EFHB: variants seen among roughly 807,000 people sequenced by gnomAD.
The protein encoded by EFHB is EF-hand domain-containing family member B.
A neutral mutation model predicts 87.2 loss-of-function variants in EFHB; 91 were observed. The observed-to-expected ratio is 1.04, with a 90% CI of 0.88 to 1.24. EFHB has a LOEUF of 1.24. Among genes scored for constraint, EFHB ranks in the 50% most tolerant of loss-of-function variants. EFHB has a pLI of 0.00. For missense variants in EFHB, 1,084 were observed against 998.8 expected (o/e 1.09, Z -1.15); for synonymous variants, 325 against 333.6 (o/e 0.97, Z 0.28).
chr3:19,918,317 T>C lies in EFHB; in HGVS notation c.1092A>G (p.Pro364=), dbSNP rs1343338546. Residue 364 remains proline, a synonymous_variant, in exon 4 of 13, where the codon CCA becomes CCG. Coordinates refer to ENST00000295824, the MANE Select transcript of EFHB (RefSeq NM_144715.4). ...GTGCTTGATCGTGAGATTTTCCTAA[T>C]GGTGCTCGTCGATTGCTAAGATATA... ...ESIYLSNRRA[P]LGKSHDQAPG... is the part of the protein sequence containing the mutation. 3.1e-6 allele frequency: 5 copies of C among 1,613,512 alleles called. No individual in the cohort carries two copies. The highest frequency in any genetic ancestry group is 1.6e-4 in the Middle Eastern group (1 of 6,082).
At chr3:19,920,730 C>T (rs929730169) in intron 1 of EFHB, among the ~76,000 whole-genome samples, 163 bp from the exon 2 acceptor site, 13 of 152,094 alleles carry the variant, frequency 8.5e-5, no homozygotes, top group Admixed American at 7.9e-4. Flanking sequence ...AATCTTCATA[C>T]GTAACAAACA....
chr3:19,923,016 C>G (rs1170717771), intron 1 of EFHB, among the ~76,000 whole-genome samples: 1 of 152,180 alleles, frequency 6.6e-6, no homozygotes, highest in Non-Finnish European at 1.5e-5. Context: ...CCTGTAACCC[C>G]CAGCACTTTG....
At chr3:19,946,555 T>A (rs770063983) in intron 1 of EFHB, among the ~76,000 whole-genome samples, 3 of 152,160 alleles carry the variant, frequency 2.0e-5, no homozygotes, top group Admixed American at 6.5e-5. Context: ...AGCGACTTCT[T>A]ATTGTCAGGC....
chr3:19,918,290 T>C lies in EFHB; in HGVS notation c.1119A>G (p.Pro373=), dbSNP rs1415886661. The change falls in exon 4 of 13, where the codon CCA becomes CCG. Residue 373 remains proline (P), a synonymous_variant. Transcript: ENST00000295824. The part of the protein sequence containing the change: ...APLGKSHDQA[P]GLPKGMDTTN... ...TTGTGTCCATGCCTTTTGGTAATCC[T>C]GGTGCTTGATCGTGAGATTTTCCTA... 1.9e-6 allele frequency: 3 copies of C among 1,613,516 alleles called. No individual in the cohort carries two copies. The highest frequency in any genetic ancestry group is 1.7e-6 in the Non-Finnish European group (2 of 1,179,800).
exon 1 of EFHB, chr3:19,946,967 TCGC>T: frequency 6.5e-6 from 1 of 153,044 alleles, no homozygotes; most frequent in African/African-American, 2.4e-5. Flanking sequence ...TCTGAGCCAC[TCGC>T]AGGGTCACGT....
chr3:19,941,923 G>A lies in EFHB; in HGVS notation c.-32+4996C>T, dbSNP rs112559280. Among the ~76,000 whole-genome samples the A allele has an allele frequency of 8.7e-3, 855 of 98,456 alleles. 7 individuals carry two copies. Among genetic ancestry groups the A allele is most frequent in the African/African-American group, 0.044 (813 of 18,514 alleles). 64.6% of individuals were successfully genotyped at this position (98,456 alleles called of 152,430 possible). A position where few individuals can be genotyped will look rare whatever the true frequency, so the allele number is the denominator to read the frequency against. ...AATCCCAGCACTTTGGGAGGCTGAG[G>A]GGGGGCAGATCACCTGAAGTCAGGT... On this transcript the variant is annotated intron_variant, in intron 1 of 14. Coordinates refer to the EFHB transcript ENST00000344838.
At chr3:19,943,796 C>T (rs1319633670) in intron 1 of EFHB, among the ~76,000 whole-genome samples, 1 of 152,124 alleles carries the variant, frequency 6.6e-6, no homozygotes, top group East Asian at 1.9e-4. Context: ...GACTGTATAA[C>T]CCAACCCCTA....
chr3:19,914,520 T>C (rs1298578569), intron 5 of EFHB, among the ~76,000 whole-genome samples: 1 of 152,150 alleles, frequency 6.6e-6, no homozygotes, highest in Non-Finnish European at 1.5e-5. Context: ...GACATGAAAC[T>C]TTAAGACAAG....
chr3:19,907,408 A>G (rs971977300), intron 5 of EFHB, among the ~76,000 whole-genome samples: 2 of 152,218 alleles, frequency 1.3e-5, no homozygotes, highest in African/African-American at 4.8e-5. Flanking sequence ...AGAGATATCA[A>G]TGATGAAAAA....
intron 1 of EFHB, among the ~76,000 whole-genome samples, chr3:19,939,676 A>G (rs370308237): frequency 4.0e-5 from 6 of 151,560 alleles, no homozygotes; most frequent in South Asian, 4.2e-4. Flanking sequence ...GAACCACCGC[A>G]CCCGCCCATG....
chr3:19,908,601 AAAG>A (rs1406884897), intron 5 of EFHB, among the ~76,000 whole-genome samples: 24 of 101,290 alleles, frequency 2.4e-4, no homozygotes, highest in African/African-American at 7.7e-4. Flanking sequence ...AGAGAGAGAG[AAAG>A]AAAGAAAGAA....
At chr3:19,884,254 TCTC>T (rs1448222828) in intron 11 of EFHB, 146 bp downstream of exon 11, 6 of 688,954 alleles carry the variant, frequency 8.7e-6, no homozygotes, top group African/African-American at 1.8e-5. Context: ...TATGTGGGCC[TCTC>T]CTCCCCAGGT....
intron 9 of EFHB, among the ~76,000 whole-genome samples, chr3:19,891,254 CTA>C (rs1159016792): frequency 2.6e-5 from 4 of 152,022 alleles, no homozygotes; most frequent in African/African-American, 9.7e-5. Flanking sequence ...TGGAGTCTCA[CTA>C]TGTTACCCAG....
chr3:19,880,229 C>CATTT (rs59492875), intron 12 of EFHB, among the ~76,000 whole-genome samples: 6,762 of 147,562 alleles, frequency 0.046, 171 homozygotes, highest in Middle Eastern at 0.059. Flanking sequence ...ACATTAGTTT[C>CATTT]ATTTATTTAT....
Position 19,934,046 on chromosome 3 carries a change from C to T in EFHB, c.-28G>A. On this transcript the variant is annotated 5_prime_UTR_variant, in exon 1 of 13. Coordinates refer to ENST00000295824, the MANE Select transcript of EFHB (RefSeq NM_144715.4). ...ACGATTTCTCCCCATTCTCATTTCT[C>T]CAAGAGCGCTCATCTCTAAGGGGAA... 1.3e-6 allele frequency: 2 copies of T among 1,560,662 alleles called. No homozygotes were observed. Among genetic ancestry groups the T allele is most frequent in the Non-Finnish European group, 1.7e-6 (2 of 1,152,906 alleles).
Position 19,919,873 on chromosome 3 carries a change from G to C in EFHB, c.956C>G (p.Pro319Arg). The C allele has an allele frequency of 6.2e-7, 1 of 1,613,482 alleles. No individual in the cohort carries two copies. The highest frequency in any genetic ancestry group is 1.3e-5 in the African/African-American group (1 of 74,990). The change falls in exon 3 of 13, where the codon CCT (proline) becomes CGT (arginine). Residue 319 changes from proline to arginine, a missense_variant. By Grantham distance (103) the Pro-to-Arg change is moderately radical. Coordinates refer to ENST00000295824, the MANE Select transcript of EFHB (RefSeq NM_144715.4). ...AGATCTAATTCCATGTGTCAAATAA[G>C]GTGCAATCTGGGGATCATTTGCTCT... ...YGRANDPQIA[P>R]YLTHGIRSKI...
chr3:19,918,249 C>T lies in EFHB; in HGVS notation c.1160G>A (p.Gly387Glu). ...TTTACTACCTTTGATGACTGCTGTC[C>T]CAAATGTCGTATTGGTTGTGTCCAT... Reference protein sequence around the residue: ...KGMDTTNTTFGTAVIKEYSAK... With the variant: ...KGMDTTNTTFETAVIKEYSAK... The change falls in exon 4 of 13, where the codon GGG becomes GAG. Residue 387 changes from glycine to glutamate, a missense_variant. Transcript: ENST00000295824. The T allele has an allele frequency of 6.2e-7, 1 of 1,601,014 alleles. No homozygotes were observed. Among genetic ancestry groups the T allele is most frequent in the Non-Finnish European group, 8.5e-7 (1 of 1,176,250 alleles).
intron 6 of EFHB, among the ~76,000 whole-genome samples, chr3:19,904,003 G>T (rs1694756849): frequency 6.6e-6 from 1 of 152,140 alleles, no homozygotes; most frequent in African/African-American, 2.4e-5. Flanking sequence ...AATATATAAA[G>T]TGCTCAGAAT....
chr3:19,938,405 G>A (rs955799721), upstream of EFHB, among the ~76,000 whole-genome samples: 2 of 152,120 alleles, frequency 1.3e-5, no homozygotes, highest in Non-Finnish European at 2.9e-5. Context: ...AATGTTTAAA[G>A]GAATGTGTAC....
Sources: allele counts gnomAD v4.1 joint callset (sites outside exome capture counted in the v4.1 genomes callset), GRCh38; gene constraint gnomAD v4.1.1; transcripts MANE v1.5; gene names NCBI Gene and HGNC (gene_info 2026-07-23, HGNC 2026-07-21).